The following TUBA4A variants were observed in gnomAD, a reference collection of about 807,000 sequenced individuals.
TUBA4A encodes tubulin alpha-4A chain.
TUBA4A carries 23 observed loss-of-function variants against 34.3 expected under a neutral mutation model. The observed-to-expected ratio is 0.67, with a 90% CI of 0.48 to 0.95. TUBA4A has a LOEUF of 0.95. Ranked by LOEUF, TUBA4A falls within the 40% of genes least tolerant of loss-of-function variation. The pLI, the probability that TUBA4A is intolerant of heterozygous loss-of-function variation, is 0.00. For missense variants in TUBA4A, 279 were observed against 599.0 expected (o/e 0.47, Z 5.58); for synonymous variants, 216 against 230.5 (o/e 0.94, Z 0.57).
chr2:219,253,889 G>A lies in TUBA4A; in HGVS notation c.-31C>T. 7.0e-7 allele frequency: 1 copy of A among 1,432,290 alleles called. No individual in the cohort carries two copies. The highest frequency in any genetic ancestry group is 1.5e-5 in the South Asian group (1 of 65,900). 88.7% of individuals were successfully genotyped at this position (1,432,290 alleles called of 1,614,324 possible). A position where few individuals can be genotyped will look rare whatever the true frequency, so the allele number is the denominator to read the frequency against. ...GTCCGGGCGGTGCGTCTCACGTTGA[G>A]TCGGGGTGACAGGTCTCAGTGAGAA... On this transcript the variant is annotated 5_prime_UTR_variant, in exon 1 of 4. Coordinates refer to ENST00000248437, the MANE Select transcript of TUBA4A (RefSeq NM_006000.3).
chr2:219,253,939 G>A (rs943665157), upstream of TUBA4A: 2 of 1,000,504 alleles, frequency 2.0e-6, no homozygotes, highest in Non-Finnish European at 2.6e-6. Flanking sequence ...GTGCCGCACC[G>A]CCCTTATAGG....
In TUBA4A at chr2:219,250,602, C is replaced by G; in HGVS notation, c.1097G>C (p.Gly366Ala). ...GGCACGCTGCACCTTGGCCAGGTCA[C>G]CCCCAGGCACCACAGTGGGAGGCTG... ...NYQPPTVVPG[G>A]DLAKVQRAVC... Residue 366 changes from glycine to alanine, a missense_variant, in exon 4 of 4, where the codon GGT (glycine) becomes GCT (alanine). Gly to Ala is a moderately conservative substitution (Grantham distance 60, BLOSUM62 0). This residue lies in a region of TUBA4A where 73 missense variants were observed against 128.0 expected (regional missense o/e 0.57). Transcript: ENST00000248437. This position sits in a 1 kb window ranked among gnomAD's most constrained non-coding sequence, Gnocchi z 8.4. 1 of 1,614,240 alleles carries G rather than the reference C, an allele frequency of 6.2e-7. No homozygotes were observed. Among genetic ancestry groups the G allele is most frequent in the South Asian group, 1.1e-5 (1 of 91,084 alleles).
At position 219,253,894 on chromosome 2, in the gene TUBA4A, G is replaced by T; in HGVS notation, c.-36C>A. 7.0e-7 allele frequency: 1 copy of T among 1,427,256 alleles called. No homozygotes were observed. Among genetic ancestry groups the T allele is most frequent in the Non-Finnish European group, 9.2e-7 (1 of 1,088,932 alleles). 88.4% of individuals were successfully genotyped at this position (1,427,256 alleles called of 1,614,324 possible). A position where few individuals can be genotyped will look rare whatever the true frequency, so the allele number is the denominator to read the frequency against. On this transcript the variant is annotated 5_prime_UTR_variant, in exon 1 of 4. Transcript: ENST00000248437. ...GGCGGTGCGTCTCACGTTGAGTCGG[G>T]GTGACAGGTCTCAGTGAGAACTGCG...
In TUBA4A at chr2:219,253,404, G is replaced by A. The variant is rs1418165690; in HGVS notation, c.3+452C>T. ...GTTGGAATGCATACACAGAGGAAAG[G>A]GGGATGCGGCACCAGGTAACCTGAC... is the stretch of plus-strand genomic sequence containing the variant. On this transcript the variant is annotated intron_variant, in intron 1 of 3. Transcript: ENST00000248437. 3.3e-6 allele frequency: 5 copies of A among 1,533,424 alleles called. No individual in the cohort carries two copies. The Admixed American group carries it at 9.8e-5, about 30-fold the overall frequency. The allele number at this position is 1,533,424 out of a possible 1,614,324, so 95.0% of individuals were successfully genotyped here. A position where few individuals can be genotyped will look rare whatever the true frequency, so the allele number is the denominator to read the frequency against.
Position 219,252,707 on chromosome 2 carries a change from C to T in TUBA4A, c.4-477G>A, listed in dbSNP as rs1349564514. ...GCCCTCCTCCCTCACCTTTAAATCC[C>T]ATCTGGCTCTGGGGATCAATCCCAT... On this transcript the variant is annotated intron_variant, in intron 1 of 3. Transcript: ENST00000248437. The surrounding 1 kb of genome is among the most constrained non-coding windows in gnomAD (Gnocchi z 4.1). The T allele has an allele frequency of 2.2e-6, 1 of 453,382 alleles. No homozygotes were observed. The highest frequency in any genetic ancestry group is 4.7e-6 in the Non-Finnish European group (1 of 214,810). 28.1% of individuals were successfully genotyped at this position (453,382 alleles called of 1,614,324 possible).
chr2:219,252,790 C>A lies in TUBA4A; in HGVS notation c.4-560G>T, dbSNP rs1481055663. The A allele has an allele frequency of 8.5e-6, 4 of 471,748 alleles. No homozygotes were observed. The highest frequency in any genetic ancestry group is 1.8e-5 in the Non-Finnish European group (4 of 227,570). 29.2% of individuals were successfully genotyped at this position (471,748 alleles called of 1,614,324 possible). A position where few individuals can be genotyped will look rare whatever the true frequency, so the allele number is the denominator to read the frequency against. On this transcript the variant is annotated intron_variant, in intron 1 of 3. Transcript: ENST00000248437. The surrounding 1 kb of genome is among the most constrained non-coding windows in gnomAD (Gnocchi z 4.1). ...CTGGGTGTCTTCACCACTTTCATCT[C>A]CCGTGTCAGCCCGCACGGAAATAGC...
intron 1 of TUBA4A, among the ~76,000 whole-genome samples, chr2:219,253,571 G>A (rs987151311): frequency 2.6e-5 from 4 of 152,186 alleles, no homozygotes; most frequent in African/African-American, 9.7e-5. Context: ...ATACAGAGTC[G>A]GGACACAAAT....
At chr2:219,254,155 C>A, upstream of TUBA4A, 1 of 345,906 alleles carries the variant, frequency 2.9e-6, no homozygotes, top group Non-Finnish European at 5.2e-6. Flanking sequence ...TCGTTTTGAG[C>A]AGACACGCTG....
In TUBA4A at chr2:219,252,476, TC is replaced by T. The variant is rs1212521581; in HGVS notation, c.4-247del. Among the ~76,000 whole-genome samples, 1 of 151,932 alleles carries T rather than the reference TC, an allele frequency of 6.6e-6. No homozygotes were observed. The highest frequency in any genetic ancestry group is 1.9e-4 in the East Asian group (1 of 5,192). On this transcript the variant is annotated intron_variant, in intron 1 of 3. Coordinates refer to ENST00000248437, the MANE Select transcript of TUBA4A (RefSeq NM_006000.3). This position sits in a 1 kb window ranked among gnomAD's most constrained non-coding sequence, Gnocchi z 4.1. ...AGCCCACTTCTCAGTGGGGAATCTG[TC>T]AAGTGAGCACTGTGGCTCCACATGA... is the stretch of plus-strand genomic sequence containing the variant.
Position 219,251,767 on chromosome 2 carries a change from G to A in TUBA4A, c.227-54C>T, listed in dbSNP as rs1050913804. 1.9e-6 allele frequency: 3 copies of A among 1,575,236 alleles called. No individual in the cohort carries two copies. The highest frequency in any genetic ancestry group is 2.7e-5 in the African/African-American group (2 of 74,188). ...CTCAGCAGGGACCTTCCTCCCCCAG[G>A]GTGGTAGCTGTGGCCAGATGCATGG... On this transcript the variant is annotated intron_variant, in intron 2 of 3. Transcript: ENST00000248437. The surrounding 1 kb of genome is among the most constrained non-coding windows in gnomAD (Gnocchi z 6.1).
Position 219,250,341 on chromosome 2 carries a change from A to G in TUBA4A, c.*11T>C, listed in dbSNP as rs1951625603. On this transcript the variant is annotated 3_prime_UTR_variant, in exon 4 of 4. Coordinates refer to ENST00000248437, the MANE Select transcript of TUBA4A (RefSeq NM_006000.3). The surrounding 1 kb of genome is among the most constrained non-coding windows in gnomAD (Gnocchi z 8.4). ...GCAATAAACATAGTGAATAGGCTCC[A>G]GGCAGCTGCTTTATTCTTCTCCCTC... is the stretch of plus-strand genomic sequence containing the variant. 1 of 1,600,786 alleles carries G rather than the reference A, an allele frequency of 6.2e-7. No homozygotes were observed. The highest frequency in any genetic ancestry group is 1.7e-5 in the Admixed American group (1 of 58,770).
At position 219,249,926 on chromosome 2, in the gene TUBA4A, T is replaced by C; in HGVS notation, c.*426A>G. On this transcript the variant is annotated 3_prime_UTR_variant, in exon 4 of 4. Coordinates refer to ENST00000248437, the MANE Select transcript of TUBA4A (RefSeq NM_006000.3). ...AACCCTCATAATGCACAGAGGAGCC[T>C]GGGCCAAGCCTTGCTTCCAGAGTTG... The C allele has an allele frequency of 5.8e-6, 1 of 171,728 alleles. No homozygotes were observed. Among genetic ancestry groups the C allele is most frequent in the Non-Finnish European group, 1.3e-5 (1 of 78,538 alleles). The allele number at this position is 171,728 out of a possible 1,614,324, so 10.6% of individuals were successfully genotyped here. A position where few individuals can be genotyped will look rare whatever the true frequency, so the allele number is the denominator to read the frequency against.
rs897648898 is a variant in TUBA4A, at chr2:219,252,548, C to A, written c.4-318G>T. Among the ~76,000 whole-genome samples, 1 of 151,136 alleles carries A rather than the reference C, an allele frequency of 6.6e-6. No individual in the cohort carries two copies. The highest frequency in any genetic ancestry group is 6.6e-5 in the Admixed American group (1 of 15,218). ...TGGGTTTACAGCTAGAGGCCCCCCC[C>A]CCACTTGATTAATTATTTGCTTTGA... On this transcript the variant is annotated intron_variant, in intron 1 of 3. Coordinates refer to ENST00000248437, the MANE Select transcript of TUBA4A (RefSeq NM_006000.3). The surrounding 1 kb of genome is among the most constrained non-coding windows in gnomAD (Gnocchi z 4.1).
rs766444250 is a variant in TUBA4A, at chr2:219,251,159, G to A, written c.540C>T (p.Ala180=). 18 of 1,614,020 alleles carry A rather than the reference G, an allele frequency of 1.1e-5. No homozygotes were observed. Among genetic ancestry groups the A allele is most frequent in the African/African-American group, 5.3e-5 (4 of 74,884 alleles). The change falls in exon 4 of 4, where the codon GCC becomes GCT. Residue 180 remains alanine, a synonymous_variant. Transcript: ENST00000248437. This position sits in a 1 kb window ranked among gnomAD's most constrained non-coding sequence, Gnocchi z 6.1. ...SIYPAPQVST[A]VVEPYNSILT... ...GGATAGAGTTGTAGGGCTCGACCAC[G>A]GCTGTAGACACCTGGGGGGCTGGGT...
Position 219,251,997 on chromosome 2 carries a change from C to T in TUBA4A, c.226+11G>A. The T allele has an allele frequency of 6.2e-7, 1 of 1,613,646 alleles. No homozygotes were observed. Among genetic ancestry groups the T allele is most frequent in the Non-Finnish European group, 8.5e-7 (1 of 1,179,556 alleles). On this transcript the variant is annotated intron_variant, in intron 2 of 3. Transcript: ENST00000248437. The surrounding 1 kb of genome is among the most constrained non-coding windows in gnomAD (Gnocchi z 6.1). ...TCCACCCCCTTCAATTTTGTCCCCACTTCCTCTCACCAATGACCGTAGGCT... is the reference window on the plus strand; with the variant it reads ...TCCACCCCCTTCAATTTTGTCCCCATTTCCTCTCACCAATGACCGTAGGCT...
In TUBA4A at chr2:219,251,597, T is replaced by C; in HGVS notation, c.343A>G (p.Ile115Val). 6.2e-7 allele frequency: 1 copy of C among 1,614,132 alleles called. No homozygotes were observed. Among genetic ancestry groups the C allele is most frequent in the Non-Finnish European group, 8.5e-7 (1 of 1,179,984 alleles). The change falls in exon 3 of 4, where the codon ATT becomes GTT. Residue 115 changes from isoleucine to valine, a missense_variant. By Grantham distance (29) the Ile-to-Val change is conservative (BLOSUM62 3). This residue lies in a region of TUBA4A where 98 missense variants were observed against 171.1 expected (regional missense o/e 0.57). Transcript: ENST00000248437. This position sits in a 1 kb window ranked among gnomAD's most constrained non-coding sequence, Gnocchi z 6.1. The stretch of plus-strand genomic sequence containing the variant: ...CGGATCCGATCCAGCACTGGGTCAA[T>C]GATCTCCTTGCCAATGGTATAGTGA... Reference protein sequence around the residue: ...RGHYTIGKEIIDPVLDRIRKL... With the variant: ...RGHYTIGKEIVDPVLDRIRKL...
At position 219,251,445 on chromosome 2, in the gene TUBA4A, C is replaced by G. The variant is rs1303171532; in HGVS notation, c.375+120G>C. ...AGGGCAAATACTGAGGATGCCATAG[C>G]AGCACCACACTCGAGACCATGTATA... is the stretch of plus-strand genomic sequence containing the variant. On this transcript the variant is annotated intron_variant, in intron 3 of 3. Coordinates refer to ENST00000248437, the MANE Select transcript of TUBA4A (RefSeq NM_006000.3). This position sits in a 1 kb window ranked among gnomAD's most constrained non-coding sequence, Gnocchi z 6.1. 5 of 1,534,340 alleles carry G rather than the reference C, an allele frequency of 3.3e-6. No homozygotes were observed. Among genetic ancestry groups the G allele is most frequent in the Non-Finnish European group, 4.4e-6 (5 of 1,135,266 alleles).
In TUBA4A at chr2:219,250,808, C is replaced by G. The variant is rs768116035; in HGVS notation, c.891G>C (p.Glu297Asp). ...CACACTTTACCATCTGGTTGGCAGG[C>G]TCAAAGCAGGCATTGGTGATCTCTG... The part of the protein sequence containing the change: ...SVAEITNACF[E>D]PANQMVKCDP... Residue 297 changes from glutamate (E) to aspartate (D), a missense_variant, in exon 4 of 4, where the codon GAG becomes GAC. Glu to Asp is a conservative substitution (Grantham distance 45). Coordinates refer to ENST00000248437, the MANE Select transcript of TUBA4A (RefSeq NM_006000.3). This position sits in a 1 kb window ranked among gnomAD's most constrained non-coding sequence, Gnocchi z 8.4. The G allele has an allele frequency of 1.9e-6, 3 of 1,614,098 alleles. No individual in the cohort carries two copies. Among genetic ancestry groups the G allele is most frequent in the Non-Finnish European group, 2.5e-6 (3 of 1,180,056 alleles).
In TUBA4A at chr2:219,252,298, C is replaced by A; in HGVS notation, c.4-68G>T. On this transcript the variant is annotated intron_variant, in intron 1 of 3. Transcript: ENST00000248437. This position sits in a 1 kb window ranked among gnomAD's most constrained non-coding sequence, Gnocchi z 4.1. ...ACAAGTCCTCACCTTGCGAGTCTCT[C>A]TTCCACCCTATCATCTACCAGCTAG... The A allele has an allele frequency of 1.4e-6, 2 of 1,418,150 alleles. No homozygotes were observed. The highest frequency in any genetic ancestry group is 9.8e-7 in the Non-Finnish European group (1 of 1,018,448). 87.8% of individuals were successfully genotyped at this position (1,418,150 alleles called of 1,614,324 possible). A position where few individuals can be genotyped will look rare whatever the true frequency, so the allele number is the denominator to read the frequency against.
Sources: allele counts gnomAD v4.1 joint callset (sites outside exome capture counted in the v4.1 genomes callset), GRCh38; gene constraint gnomAD v4.1.1; regional missense constraint gnomAD v4.1.1; non-coding constraint Gnocchi (gnomAD v3.1); transcripts MANE v1.5; gene names NCBI Gene and HGNC (gene_info 2026-07-23, HGNC 2026-07-21).